Variants in RANBP9 observed in about 807,000 individuals in gnomAD.
The protein encoded by RANBP9 is ran-binding protein 9.
A neutral mutation model predicts 84.3 loss-of-function variants in RANBP9; 15 were observed. The observed-to-expected ratio is 0.18, with a 90% confidence interval of 0.12 to 0.27. The LOEUF (loss-of-function observed/expected upper bound fraction) is 0.27. RANBP9 is among the 10% of genes least tolerant of loss of function. RANBP9 has a pLI of 1.00. For missense variants in RANBP9, 809 were observed against 912.8 expected (o/e 0.89, Z 1.46); for synonymous variants, 392 against 349.6 (o/e 1.12, Z -1.35).
chr6:13,622,865 T>C (rs56163379), intron 13 of RANBP9, among the ~76,000 whole-genome samples: 1,665 of 152,322 alleles, frequency 0.011, 11 homozygotes, highest in South Asian at 0.029. Context: ...TAACTAAAAC[T>C]AAAAAAGGCA....
intron 5 of RANBP9, among the ~76,000 whole-genome samples, chr6:13,646,385 G>C (rs1478273607): frequency 1.3e-5 from 2 of 151,952 alleles, no homozygotes; most frequent in African/African-American, 4.8e-5. Flanking sequence ...TTCCAGCCTG[G>C]GCAACAAGAG....
At position 13,621,943 on chromosome 6, in the gene RANBP9, A is replaced by G. The variant is rs556172955; in HGVS notation, c.*419T>C. On this transcript the variant is annotated 3_prime_UTR_variant, in exon 14 of 14. Transcript: ENST00000011619. Reference sequence around the variant, plus strand: ...TGCAAGTTACACTGATTGAATGCTTATATGGGAGTGGGGGTCGGAACATCT... The same window carrying G: ...TGCAAGTTACACTGATTGAATGCTTGTATGGGAGTGGGGGTCGGAACATCT... The G allele has an allele frequency of 1.3e-5, 2 of 153,960 alleles. No individual in the cohort carries two copies. The highest frequency in any genetic ancestry group is 4.1e-4 in the South Asian group (2 of 4,888). 9.5% of individuals were successfully genotyped at this position (153,960 alleles called of 1,614,324 possible). A position where few individuals can be genotyped will look rare whatever the true frequency, so the allele number is the denominator to read the frequency against.
At chr6:13,700,578 CCT>C (rs1747446401) in intron 1 of RANBP9, among the ~76,000 whole-genome samples, 2 of 152,308 alleles carry the variant, frequency 1.3e-5, no homozygotes, top group African/African-American at 4.8e-5. Flanking sequence ...GGTTGAAGCT[CCT>C]TTTTACAAGC....
rs1227822931 is a variant in RANBP9 at position 13,679,632 on chromosome 6, C to T, written c.683+17153G>A. ...TTAATAAAATTATTTATATTTTAAT[C>T]CATATTTAAAATCTTGTTTTTCAAC... On this transcript the variant is annotated intron_variant, in intron 2 of 13. Coordinates refer to ENST00000011619, the MANE Select transcript of RANBP9 (RefSeq NM_005493.3). Among the ~76,000 whole-genome samples the T allele has an allele frequency of 2.0e-5, 3 of 152,070 alleles. No homozygotes were observed. The South Asian group carries it at 6.2e-4, about 31-fold the overall frequency.
intron 5 of RANBP9, among the ~76,000 whole-genome samples, 194 bp from the exon 6 acceptor site, chr6:13,644,923 T>C (rs2127766364): frequency 6.6e-6 from 1 of 152,214 alleles, no homozygotes; most frequent in East Asian, 1.9e-4. Context: ...CTTCCTGCAA[T>C]GTAATCATCA....
At chr6:13,652,773 T>C (rs1765324511) in intron 4 of RANBP9, 92 bp from the exon 5 acceptor site, 5 of 1,116,736 alleles carry the variant, frequency 4.5e-6, no homozygotes, top group Admixed American at 2.3e-5. Flanking sequence ...AGGAAACAAA[T>C]GGCAAAAGAA....
chr6:13,681,740 C>T (rs777827409), intron 2 of RANBP9, among the ~76,000 whole-genome samples: 5 of 152,232 alleles, frequency 3.3e-5, no homozygotes, highest in Middle Eastern at 3.4e-3. Context: ...TCAAAGTTTT[C>T]GATGGCATAT....
At position 13,634,475 on chromosome 6, in the gene RANBP9, C is replaced by G. The variant is rs755071820; in HGVS notation, c.1751G>C (p.Ser584Thr). Residue 584 changes from serine to threonine, a missense_variant, in exon 11 of 14, where the codon AGC becomes ACC. Ser to Thr is a moderately conservative substitution (Grantham distance 58, BLOSUM62 1). Around this residue, in one of 5 missense-constraint regions of RANBP9, gnomAD observed 233 missense variants for 234.4 expected, o/e 0.99. Transcript: ENST00000011619. ...TTCCATTTCGTGGTCATGTTTAGAG[C>G]TACCATTTAGGAAACCATTGGATGA... ...ETSSNGFLNG[S>T]SKHDHEMEDC... The G allele has an allele frequency of 2.5e-6, 4 of 1,613,546 alleles. No individual in the cohort carries two copies. Among genetic ancestry groups the G allele is most frequent in the Admixed American group, 1.7e-5 (1 of 60,002 alleles).
chr6:13,632,088 GTTGATAAGCACTAGCAC>G, intron 12 of RANBP9, among the ~76,000 whole-genome samples: 1 of 113,368 alleles, frequency 8.8e-6, no homozygotes, highest in East Asian at 2.9e-4. Flanking sequence ...GACACACAAT[GTTGATAAGCACTAGCAC>G]TGGGATTTAA....
chr6:13,632,675 G>A, intron 11 of RANBP9, 154 bp from the exon 12 acceptor site: 2 of 709,924 alleles, frequency 2.8e-6, no homozygotes, highest in Non-Finnish European at 4.6e-6. Context: ...TTTTTAATAT[G>A]AAACTGCAGC....
At chr6:13,623,844 C>T (rs765397362) in intron 13 of RANBP9, among the ~76,000 whole-genome samples, 3 of 152,030 alleles carry the variant, frequency 2.0e-5, no homozygotes, top group African/African-American at 7.3e-5. Flanking sequence ...CATAATATAG[C>T]ACAATATGTA....
chr6:13,650,936 C>G (rs1408299052), intron 5 of RANBP9, among the ~76,000 whole-genome samples: 3 of 152,066 alleles, frequency 2.0e-5, no homozygotes, highest in Non-Finnish European at 2.9e-5. Context: ...TGCACTCCAA[C>G]CTGGGTGACA....
chr6:13,683,469 A>G (rs1766093248), intron 2 of RANBP9, among the ~76,000 whole-genome samples: 1 of 152,172 alleles, frequency 6.6e-6, no homozygotes, highest in South Asian at 2.1e-4. Flanking sequence ...TTTTCAATTA[A>G]ATTTATATTA....
intron 4 of RANBP9, 78 bp downstream of exon 4, chr6:13,657,031 A>G (rs1765414948): frequency 7.4e-7 from 1 of 1,345,222 alleles, no homozygotes; most frequent in African/African-American, 1.5e-5. Context: ...AGAATCACAT[A>G]ATAAATACAA....
intron 2 of RANBP9, among the ~76,000 whole-genome samples, chr6:13,666,254 AT>A (rs2113298478): frequency 6.6e-6 from 1 of 152,288 alleles, no homozygotes; most frequent in South Asian, 2.1e-4. Flanking sequence ...GGATCAACTG[AT>A]GAAAAGAGGA....
At chr6:13,636,492 A>G (rs1161715086) in intron 10 of RANBP9, among the ~76,000 whole-genome samples, 1 of 152,094 alleles carries the variant, frequency 6.6e-6, no homozygotes, top group East Asian at 1.9e-4. Context: ...GTAATAATAG[A>G]TCTGTTTAGC....
At position 13,642,602 on chromosome 6, in the gene RANBP9, AAAG is replaced by A; in HGVS notation, c.1113-14_1113-12del. The A allele has an allele frequency of 6.5e-7, 1 of 1,541,382 alleles. No individual in the cohort carries two copies. The highest frequency in any genetic ancestry group is 8.9e-7 in the Non-Finnish European group (1 of 1,120,990). ...TAAGATGAAACCATTCTTAAAATAA[AAAG>A]AAGAAACATACATCTTTTAGTGAAG... On this transcript the variant is annotated splice_polypyrimidine_tract_variant and intron_variant, in intron 6 of 13. Coordinates refer to ENST00000011619, the MANE Select transcript of RANBP9 (RefSeq NM_005493.3).
Position 13,625,642 on chromosome 6 carries a change from G to A in RANBP9, c.2059+11C>T. On this transcript the variant is annotated intron_variant, in intron 13 of 13. Coordinates refer to ENST00000011619, the MANE Select transcript of RANBP9 (RefSeq NM_005493.3). ...TCTAACTGAAATTGTGCCTTATTTG[G>A]CTTTACTTACCTAATATTGCACTGT... 1 of 1,564,334 alleles carries A rather than the reference G, an allele frequency of 6.4e-7. No individual in the cohort carries two copies. The highest frequency in any genetic ancestry group is 8.8e-7 in the Non-Finnish European group (1 of 1,136,238).
At chr6:13,674,586 C>A (rs1280103489) in intron 2 of RANBP9, among the ~76,000 whole-genome samples, 1 of 152,038 alleles carries the variant, frequency 6.6e-6, no homozygotes, top group Non-Finnish European at 1.5e-5. Flanking sequence ...TGTCTGTTGC[C>A]CAGAAGGAAT....
Sources: gnomAD v4.1 joint callset for allele counts (sites outside exome capture counted in the v4.1 genomes callset) on GRCh38, gnomAD v4.1.1 for gene constraint, gnomAD v4.1.1 regional missense constraint, MANE v1.5 for transcripts, NCBI Gene and HGNC (gene_info 2026-07-23, HGNC 2026-07-21) for gene names.